TNS1: variants seen among roughly 807,000 people sequenced by gnomAD.
The protein encoded by TNS1 is tensin 1.
In TNS1, 62 loss-of-function variants were observed where a neutral mutation model predicts 168.6. The ratio of observed to expected loss-of-function variants is 0.37; its 90% CI spans 0.30 to 0.45. The LOEUF (loss-of-function observed/expected upper bound fraction) is 0.45, where lower values mean the gene tolerates loss of function less well. Among genes scored for constraint, TNS1 ranks in the 20% least tolerant of loss-of-function variants. The probability of loss-of-function intolerance (pLI) is 1.00; values close to 1 mark genes in which losing one functional copy is unlikely to be tolerated. For synonymous variants in TNS1, 934 were observed against 933.2 expected (o/e 1.00, Z -0.02); for missense variants, 2,240 against 2,339.4 (o/e 0.96, Z 0.88).
In TNS1 at chr2:217,895,167, A is replaced by G. The variant is rs1000206829; in HGVS notation, c.544-111T>C. ...AGAAAGGACCGTGGCATCATTGCCA[A>G]CTTCCTCTGAAGAGCCCACGACAGC... On this transcript the variant is annotated intron_variant, in intron 8 of 32. Transcript: ENST00000682258. 1.4e-5 allele frequency: 15 copies of G among 1,104,102 alleles called. No individual in the cohort carries two copies. In the Middle Eastern group the frequency reaches 9.4e-4, roughly 69 times the overall value. 68.4% of individuals were successfully genotyped at this position (1,104,102 alleles called of 1,614,324 possible).
intron 28 of TNS1, among the ~76,000 whole-genome samples, chr2:217,811,257 T>A (rs1419555450): frequency 6.6e-6 from 1 of 151,706 alleles, no homozygotes. Flanking sequence ...AACAACAGGT[T>A]TATACAATCT....
At chr2:218,011,760 T>G (rs1438747329), upstream of TNS1, among the ~76,000 whole-genome samples, 5 of 151,450 alleles carry the variant, frequency 3.3e-5, no homozygotes, top group African/African-American at 1.2e-4. Context: ...GACAAGGCAG[T>G]GGGGTCCAGC....
intron 17 of TNS1, 73 bp downstream of exon 17, chr2:217,882,273 G>T: frequency 1.3e-5 from 14 of 1,039,292 alleles, no homozygotes; most frequent in Non-Finnish European, 2.1e-5. Flanking sequence ...ACAGACCAGG[G>T]GTGGAAGGGT....
chr2:217,968,413 T>C (rs142457616), intron 3 of TNS1, among the ~76,000 whole-genome samples: 336 of 152,290 alleles, frequency 2.2e-3, no homozygotes, highest in African/African-American at 7.0e-3. Flanking sequence ...TAAATACTAT[T>C]AGAATTAATA....
At chr2:217,942,237 C>T (rs1293265138) in intron 3 of TNS1, among the ~76,000 whole-genome samples, 6 of 152,192 alleles carry the variant, frequency 3.9e-5, no homozygotes, top group African/African-American at 1.4e-4. Flanking sequence ...CAAGAACCCT[C>T]AGCTCCTGGT....
chr2:217,901,563 ACCT>A (rs1952982709), intron 6 of TNS1: 1 of 152,086 alleles, frequency 6.6e-6, no homozygotes, highest in Non-Finnish European at 1.5e-5. Context: ...AGATTCTCAG[ACCT>A]CCTGAGCCCA....
In TNS1 at chr2:217,906,166, GC is replaced by G. The variant is rs1313712882; in HGVS notation, c.321+168del. Reference sequence around the variant, plus strand: ...CGCTTAGATGGAGGCAGCACCAAAGGCTGAGGCCCAGCCTGTAAGGAAATGG... The same window carrying G: ...CGCTTAGATGGAGGCAGCACCAAAGGTGAGGCCCAGCCTGTAAGGAAATGG... On this transcript the variant is annotated intron_variant, in intron 6 of 32. Coordinates refer to ENST00000682258, the MANE Select transcript of TNS1 (RefSeq NM_001387777.1). Among the ~76,000 whole-genome samples, 44 of 152,300 alleles carry G rather than the reference GC, an allele frequency of 2.9e-4. No homozygotes were observed. In the East Asian group the frequency reaches 7.7e-3, roughly 27 times the overall value.
intron 4 of TNS1, among the ~76,000 whole-genome samples, chr2:217,908,355 C>T (rs1478975067): frequency 1.3e-5 from 2 of 152,276 alleles, no homozygotes; most frequent in South Asian, 2.1e-4. Flanking sequence ...TCTGATCCAC[C>T]GTTTCCAACT....
At position 217,900,197 on chromosome 2, in the gene TNS1, G is replaced by A. The variant is rs570982408; in HGVS notation, c.371+266C>T. Among the ~76,000 whole-genome samples, 72 of 152,320 alleles carry A rather than the reference G, an allele frequency of 4.7e-4. No homozygotes were observed. The South Asian group carries it at 6.4e-3, about 14-fold the overall frequency. On this transcript the variant is annotated intron_variant, in intron 7 of 32. Coordinates refer to ENST00000682258, the MANE Select transcript of TNS1 (RefSeq NM_001387777.1). ...TGCTCTACCAAAGGGAATAAAATACGTACCTTGCGGGGTTGTTGCAAGGAC... is the reference window on the plus strand; with the variant it reads ...TGCTCTACCAAAGGGAATAAAATACATACCTTGCGGGGTTGTTGCAAGGAC...
chr2:217,935,345 C>T (rs532414191), intron 3 of TNS1, among the ~76,000 whole-genome samples: 52 of 152,380 alleles, frequency 3.4e-4, no homozygotes, highest in African/African-American at 1.2e-3. Flanking sequence ...GGGCCAGGCC[C>T]TCTGGCAGGA....
chr2:217,831,957 A>ACAC (rs1191647706), intron 21 of TNS1, among the ~76,000 whole-genome samples: 1 of 151,860 alleles, frequency 6.6e-6, no homozygotes, highest in African/African-American at 2.4e-5. Context: ...ACACACACAC[A>ACAC]CACACACACA....
At chr2:218,018,821 G>A (rs1053463522) in intron 1 of TNS1, among the ~76,000 whole-genome samples, 2 of 152,264 alleles carry the variant, frequency 1.3e-5, no homozygotes, top group Non-Finnish European at 2.9e-5. Flanking sequence ...GCTCATGCCT[G>A]TAATCCCAGC....
chr2:217,945,222 C>T (rs368690274), intron 3 of TNS1, among the ~76,000 whole-genome samples: 5 of 152,194 alleles, frequency 3.3e-5, no homozygotes, highest in East Asian at 3.8e-4. Flanking sequence ...GTTTCCTCTG[C>T]GACAGAAAGG....
intron 18 of TNS1, chr2:217,859,300 A>G: frequency 3.1e-6 from 1 of 323,820 alleles, no homozygotes; most frequent in Non-Finnish European, 5.6e-6. Context: ...TGGAAGGCAG[A>G]ACAGATGACA....
chr2:217,952,522 A>T (rs1292261288), intron 3 of TNS1, among the ~76,000 whole-genome samples: 3 of 152,196 alleles, frequency 2.0e-5, no homozygotes, highest in Non-Finnish European at 2.9e-5. Context: ...TGCAGAAGTC[A>T]GCAGGCCCAG....
chr2:218,001,135 A>G (rs1222474609), intron 1 of TNS1, among the ~76,000 whole-genome samples: 1 of 151,918 alleles, frequency 6.6e-6, no homozygotes, highest in Non-Finnish European at 1.5e-5. Flanking sequence ...CCTGGGTGAC[A>G]GAGTGAGACT....
intron 3 of TNS1, among the ~76,000 whole-genome samples, chr2:217,963,623 C>T (rs1343596561): frequency 2.0e-5 from 3 of 151,790 alleles, no homozygotes; most frequent in African/African-American, 7.3e-5. Context: ...TCCAGTGTTT[C>T]TAGCATGAAG....
chr2:217,882,510 C>CATAT, intron 16 of TNS1, 99 bp from the exon 17 acceptor site: 8 of 662,388 alleles, frequency 1.2e-5, no homozygotes, highest in East Asian at 2.8e-5. Context: ...CATATATGTA[C>CATAT]ATGGTTAATA....
intron 32 of TNS1, among the ~76,000 whole-genome samples, chr2:217,807,250 T>C (rs1449656679): frequency 6.6e-6 from 1 of 152,210 alleles, no homozygotes; most frequent in African/African-American, 2.4e-5. Context: ...GTTGGAATAA[T>C]CCTGACAAAG....
Sources: allele counts gnomAD v4.1 joint callset (sites outside exome capture counted in the v4.1 genomes callset), GRCh38; gene constraint gnomAD v4.1.1; transcripts MANE v1.5; gene names NCBI Gene and HGNC (gene_info 2026-07-23, HGNC 2026-07-21).